Variants in FANK1 observed in about 807,000 individuals in gnomAD.
FANK1 encodes fibronectin type III and ankyrin repeat domains 1, also known as fibronectin type 3 and ankyrin repeat domains protein 1.
FANK1 carries 44 observed loss-of-function variants against 45.3 expected under a neutral mutation model. The observed-to-expected ratio is 0.97, with a 90% CI of 0.76 to 1.25. The LOEUF is 1.25. Among genes scored for constraint, FANK1 ranks in the 50% most tolerant of loss-of-function variants. The pLI is 0.00. For synonymous variants in FANK1, 149 were observed against 152.5 expected (o/e 0.98, Z 0.17); for missense variants, 391 against 424.4 (o/e 0.92, Z 0.69).
Position 125,954,587 on chromosome 10 carries a change from T to C in FANK1, c.14-25574T>C, listed in dbSNP as rs144723439. Among the ~76,000 whole-genome samples, 703 of 152,288 alleles carry C rather than the reference T, an allele frequency of 4.6e-3. 3 individuals are homozygous for C. The highest frequency in any genetic ancestry group is 0.016 in the African/African-American group (648 of 41,560). ...ATTTCAATAGTTCATGGATTTTTTT[T>C]TTCCTGTACTGGGCAAAATTGATTT... On this transcript the variant is annotated intron_variant, in intron 1 of 10. Transcript: ENST00000368693.
intron 2 of FANK1, among the ~76,000 whole-genome samples, chr10:125,982,069 T>G (rs1590157509): frequency 6.6e-6 from 1 of 152,376 alleles, no homozygotes; most frequent in African/African-American, 2.4e-5. Context: ...AATGTTATTT[T>G]AATCATGTCG....
chr10:125,898,251 A>T (rs1589741519), intron 1 of FANK1, among the ~76,000 whole-genome samples: 1 of 152,068 alleles, frequency 6.6e-6, no homozygotes, highest in African/African-American at 2.4e-5. Flanking sequence ...GTAAACTATA[A>T]TTTCAAGTTC....
chr10:125,899,689 G>A lies in FANK1; in HGVS notation c.13+3034G>A, dbSNP rs1160677943. 2.6e-5 allele frequency among the ~76,000 whole-genome samples: 4 copies of A among 152,188 alleles called. No individual in the cohort carries two copies. The East Asian group carries it at 5.8e-4, about 22-fold the overall frequency. On this transcript the variant is annotated intron_variant, in intron 1 of 10. Coordinates refer to ENST00000368693, the MANE Select transcript of FANK1 (RefSeq NM_145235.5). ...GTTATTTCCTACTGTCAGCCATAAT[G>A]GAAGCACTACAGACGTGGCATCAAG... is the stretch of plus-strand genomic sequence containing the variant.
chr10:125,986,733 C>T (rs1390042102), intron 2 of FANK1, among the ~76,000 whole-genome samples: 1 of 152,218 alleles, frequency 6.6e-6, no homozygotes, highest in Non-Finnish European at 1.5e-5. Context: ...GGACACTGTC[C>T]TGGCACCTCA....
chr10:126,008,935 T>C (rs1953443894), intron 8 of FANK1, 119 bp from the exon 9 acceptor site: 1 of 863,984 alleles, frequency 1.2e-6, no homozygotes, highest in South Asian at 1.6e-5. Context: ...AAAGCCACAG[T>C]GGTCTTTTGG....
chr10:125,911,555 A>C (rs1211346523), intron 1 of FANK1, among the ~76,000 whole-genome samples: 3 of 152,274 alleles, frequency 2.0e-5, no homozygotes, highest in Non-Finnish European at 2.9e-5. Context: ...GTATATCTGC[A>C]GAATGAATGT....
At chr10:125,994,337 C>G in intron 3 of FANK1, 1 of 952,566 alleles carries the variant, frequency 1.0e-6, no homozygotes, top group African/African-American at 1.8e-5. Context: ...CATGCTAACC[C>G]CCTAGAGCCT....
At position 126,008,443 on chromosome 10, in the gene FANK1, C is replaced by CT; in HGVS notation, c.743dup (p.Met249HisfsTer18). ...GGACACTGGTTCAGGATGGACCCCA[C>CT]TCATGAGAGTCTCTGCGGTGTCGGG... On this transcript the variant is annotated frameshift_variant, in exon 8 of 11. Coordinates refer to ENST00000368693, the MANE Select transcript of FANK1 (RefSeq NM_145235.5). LOFTEE classifies it high-confidence loss of function. The CT allele has an allele frequency of 6.2e-7, 1 of 1,612,892 alleles. No homozygotes were observed. Among genetic ancestry groups the CT allele is most frequent in the Non-Finnish European group, 8.5e-7 (1 of 1,179,390 alleles).
In FANK1 at chr10:125,958,006, C is replaced by T. The variant is rs185400965; in HGVS notation, c.14-22155C>T. Among the ~76,000 whole-genome samples, 7 of 152,016 alleles carry T rather than the reference C, an allele frequency of 4.6e-5. No homozygotes were observed. The East Asian group carries it at 5.8e-4, about 13-fold the overall frequency. On this transcript the variant is annotated intron_variant, in intron 1 of 10. Transcript: ENST00000368693. ...TTTGGTGCATAAAGTGTACAGTGAT[C>T]GCATCAGGGTAATTAGCATATCGTC... is the stretch of plus-strand genomic sequence containing the variant.
At chr10:125,944,829 A>G (rs1948669648) in intron 1 of FANK1, among the ~76,000 whole-genome samples, 1 of 152,200 alleles carries the variant, frequency 6.6e-6, no homozygotes. Flanking sequence ...AAACAATGCT[A>G]ATGACTGGTT....
intron 1 of FANK1, among the ~76,000 whole-genome samples, chr10:125,898,799 G>A (rs1244268016): frequency 6.6e-6 from 1 of 151,932 alleles, no homozygotes; most frequent in Non-Finnish European, 1.5e-5. Context: ...ATTTATACCT[G>A]AGGAATGACT....
At chr10:125,923,483 C>T (rs1427880231) in intron 1 of FANK1, among the ~76,000 whole-genome samples, 1 of 151,472 alleles carries the variant, frequency 6.6e-6, no homozygotes, top group Non-Finnish European at 1.5e-5. Context: ...TTTTTTTCAT[C>T]TATGCTTTAA....
At chr10:125,918,083 AAAG>A (rs1946599488) in intron 1 of FANK1, among the ~76,000 whole-genome samples, 2 of 152,280 alleles carry the variant, frequency 1.3e-5, no homozygotes, top group South Asian at 4.1e-4. Flanking sequence ...CTGTCAGAAA[AAAG>A]AAAAAAAAAG....
chr10:125,926,011 C>G (rs931984932), intron 1 of FANK1, among the ~76,000 whole-genome samples: 1 of 151,696 alleles, frequency 6.6e-6, no homozygotes, highest in African/African-American at 2.4e-5. Flanking sequence ...AAGTTCTAGT[C>G]TTTGTTTATA....
At chr10:125,990,006 T>C (rs533639585) in intron 3 of FANK1, among the ~76,000 whole-genome samples, 3 of 152,168 alleles carry the variant, frequency 2.0e-5, no homozygotes, top group Non-Finnish European at 2.9e-5. Context: ...TCTGCCCTTC[T>C]TCCCTGGAGC....
Position 125,997,471 on chromosome 10 carries a change from A to G in FANK1, c.525A>G (p.Gly175=). The change falls in exon 6 of 11, where the codon GGA becomes GGG. Residue 175 remains glycine (G), a synonymous_variant. Transcript: ENST00000368693. ...GCACAGACGTGAATCTGAAGAATGG[A>G]AGTGGCAAGGACAGGTAGGAGGTGG... The part of the protein sequence containing the change: ...SNGTDVNLKN[G]SGKDSLMLAC... 6.2e-7 allele frequency: 1 copy of G among 1,613,984 alleles called. No homozygotes were observed. Among genetic ancestry groups the G allele is most frequent in the Non-Finnish European group, 8.5e-7 (1 of 1,179,904 alleles).
chr10:125,971,351 A>G (rs993604111), intron 1 of FANK1, among the ~76,000 whole-genome samples: 1 of 151,658 alleles, frequency 6.6e-6, no homozygotes, highest in African/African-American at 2.4e-5. Context: ...GGCTTTCTAT[A>G]CCATCTTTCC....
Position 125,923,941 on chromosome 10 carries a change from A to G in FANK1, c.13+27286A>G, listed in dbSNP as rs542449153. Among the ~76,000 whole-genome samples, 6 of 152,270 alleles carry G rather than the reference A, an allele frequency of 3.9e-5. No individual in the cohort carries two copies. In the East Asian group the frequency reaches 7.7e-4, roughly 20 times the overall value. On this transcript the variant is annotated intron_variant, in intron 1 of 10. Transcript: ENST00000368693. Reference sequence around the variant, plus strand: ...ATCTTGCTAAAGGTCTGTGAATTTTATAATGTATTTTTAAAGAACCAGGTT... The same window carrying G: ...ATCTTGCTAAAGGTCTGTGAATTTTGTAATGTATTTTTAAAGAACCAGGTT...
chr10:125,938,208 G>A (rs1000389630), intron 1 of FANK1, among the ~76,000 whole-genome samples: 15 of 152,160 alleles, frequency 9.9e-5, no homozygotes, highest in African/African-American at 3.6e-4. Flanking sequence ...TTCTCACTGC[G>A]GAAGAAAGAA....
Sources: allele counts gnomAD v4.1 joint callset (sites outside exome capture counted in the v4.1 genomes callset), GRCh38; gene constraint gnomAD v4.1.1; transcripts MANE v1.5; gene names NCBI Gene and HGNC (gene_info 2026-07-23, HGNC 2026-07-21).